RLIG1: variants seen among roughly 807,000 people sequenced by gnomAD.
The protein encoded by RLIG1 is RNA 5'-phosphate and 3'-OH ligase 1.
At chr12:88,045,913 C>A in the RLIG1 span, 1 of 668,530 alleles carries the variant, frequency 1.5e-6, no homozygotes, top group East Asian at 2.8e-5. Flanking sequence ...GGATTATATC[C>A]ATTTCTGTTA....
At chr12:88,039,456 G>GT in the RLIG1 span, among the ~76,000 whole-genome samples, 1 of 152,288 alleles carries the variant, frequency 6.6e-6, no homozygotes, top group East Asian at 1.9e-4. Context: ...CACTTATGAA[G>GT]TTTAAGTTAA....
At chr12:88,048,135 T>G in the RLIG1 span, 1 of 824,964 alleles carries the variant, frequency 1.2e-6, no homozygotes, top group East Asian at 3.1e-5. Context: ...TAAAGTGGAG[T>G]CTTACCCAGT....
chr12:88,049,313 C>A, the RLIG1 span: 13 of 1,581,564 alleles, frequency 8.2e-6, no homozygotes, highest in East Asian at 9.0e-5. Flanking sequence ...AGAGAATATT[C>A]TTCTTCACTT....
chr12:88,042,729 AT>A, the RLIG1 span: 1 of 697,798 alleles, frequency 1.4e-6, no homozygotes, highest in South Asian at 3.4e-5. Context: ...TCTTTGAGAA[AT>A]TAGCCTCCTG....
chr12:88,039,900 G>A, the RLIG1 span, among the ~76,000 whole-genome samples: 1 of 152,178 alleles, frequency 6.6e-6, no homozygotes, highest in Admixed American at 6.5e-5. Flanking sequence ...GCATTGCAAA[G>A]AACAAAGGTG....
chr12:88,038,646 C>T, the RLIG1 span, among the ~76,000 whole-genome samples: 11 of 152,268 alleles, frequency 7.2e-5, no homozygotes, highest in South Asian at 2.1e-3. Flanking sequence ...AGGAAACCAT[C>T]GGGGTGAACT....
At chr12:88,045,488 C>T in the RLIG1 span, 3 of 891,690 alleles carry the variant, frequency 3.4e-6, no homozygotes, top group African/African-American at 5.1e-5. Context: ...ACCCAGAAAA[C>T]ATGAGAAATT....
chr12:88,048,443 A>T, the RLIG1 span: 1 of 1,215,204 alleles, frequency 8.2e-7, no homozygotes, highest in Non-Finnish European at 1.1e-6. Flanking sequence ...AAATTAGTTT[A>T]TCATTATATT....
chr12:88,037,805 G>C, the RLIG1 span, among the ~76,000 whole-genome samples: 3 of 152,176 alleles, frequency 2.0e-5, no homozygotes, highest in African/African-American at 7.2e-5. Context: ...CACTTTGTAA[G>C]ATGATGCTAC....
chr12:88,043,234 AATT>A, the RLIG1 span, among the ~76,000 whole-genome samples: 3 of 152,084 alleles, frequency 2.0e-5, no homozygotes, highest in African/African-American at 7.2e-5. Flanking sequence ...TAATATTTTT[AATT>A]ATTAAAATGC....
At chr12:88,039,137 A>G in the RLIG1 span, among the ~76,000 whole-genome samples, 932 of 152,252 alleles carry the variant, frequency 6.1e-3, 6 homozygotes, top group Non-Finnish European at 8.4e-3. Context: ...TTCATTTACA[A>G]ATTTTCTATA....
the RLIG1 span, chr12:88,045,453 A>G: frequency 1.5e-6 from 1 of 670,228 alleles, no homozygotes; most frequent in Non-Finnish European, 2.5e-6. Context: ...ACTGAATTTT[A>G]AAGTAATATC....
the RLIG1 span, among the ~76,000 whole-genome samples, chr12:88,047,722 ACAT>A: frequency 6.6e-6 from 1 of 152,160 alleles, no homozygotes; most frequent in Non-Finnish European, 1.5e-5. Context: ...CTGTTCAGTT[ACAT>A]TAAACATTCA....
At chr12:88,039,998 C>T in the RLIG1 span, 4 of 610,952 alleles carry the variant, frequency 6.5e-6, no homozygotes, top group African/African-American at 5.7e-5. Flanking sequence ...TTCGGAACTT[C>T]ACAGAATAAA....
chr12:88,049,169 GT>G, the RLIG1 span: 1 of 1,480,452 alleles, frequency 6.8e-7, no homozygotes, highest in Non-Finnish European at 9.3e-7. Context: ...ATGAAACAAA[GT>G]TTATAGGTGA....
the RLIG1 span, among the ~76,000 whole-genome samples, chr12:88,038,319 C>T: frequency 3.0e-4 from 45 of 152,106 alleles, no homozygotes; most frequent in African/African-American, 1.0e-3. Flanking sequence ...CCTGCATAGT[C>T]TAGGACAAGG....
chr12:88,037,560 G>A, the RLIG1 span, among the ~76,000 whole-genome samples: 18 of 152,124 alleles, frequency 1.2e-4, no homozygotes, highest in African/African-American at 4.1e-4. Context: ...ACTGCTATTG[G>A]ACCAGACCCT....
the RLIG1 span, chr12:88,049,098 A>G: frequency 2.1e-5 from 15 of 708,376 alleles, no homozygotes; most frequent in Non-Finnish European, 3.0e-5. Flanking sequence ...AGGAAATACT[A>G]CAGTTCGGAG....
At chr12:88,038,831 A>G in the RLIG1 span, among the ~76,000 whole-genome samples, 167 of 152,310 alleles carry the variant, frequency 1.1e-3, 1 homozygote, top group African/African-American at 3.9e-3. Flanking sequence ...CTCTGTGACA[A>G]TGAAGGTATA....
Sources: gnomAD v4.1 joint callset for allele counts (sites outside exome capture counted in the v4.1 genomes callset) on GRCh38, gnomAD v4.1.1 for gene constraint, MANE v1.5 for transcripts, NCBI Gene and HGNC (gene_info 2026-07-23, HGNC 2026-07-21) for gene names.